Variants in FHOD3 observed in about 807,000 individuals in gnomAD.
FHOD3 encodes FH1/FH2 domain-containing protein 3.
FHOD3 carries 90 observed loss-of-function variants against 173.0 expected under a neutral mutation model. The ratio of observed to expected loss-of-function variants is 0.52; its 90% confidence interval spans 0.44 to 0.62. FHOD3 has a LOEUF of 0.62. Ranked by LOEUF, FHOD3 falls within the 20% of genes least tolerant of loss-of-function variation. The probability of loss-of-function intolerance (pLI) is 0.00; values close to 1 mark genes in which losing one functional copy is unlikely to be tolerated. For synonymous variants in FHOD3, 828 were observed against 823.0 expected (o/e 1.01, Z -0.10); for missense variants, 1,945 against 2,034.7 (o/e 0.96, Z 0.85).
At chr18:36,603,276 C>G (rs1389958481) in intron 8 of FHOD3, among the ~76,000 whole-genome samples, 1 of 152,074 alleles carries the variant, frequency 6.6e-6, no homozygotes, top group Non-Finnish European at 1.5e-5. Flanking sequence ...ACCATGTGTA[C>G]ACCCATCACA....
intron 3 of FHOD3, among the ~76,000 whole-genome samples, chr18:36,437,291 T>C (rs1166388215): frequency 6.6e-6 from 1 of 152,198 alleles, no homozygotes; most frequent in Non-Finnish European, 1.5e-5. Flanking sequence ...CTAACTTTTG[T>C]ATTTTTGTAG....
chr18:36,611,115 G>C (rs1273540018), intron 8 of FHOD3, among the ~76,000 whole-genome samples: 1 of 152,094 alleles, frequency 6.6e-6, no homozygotes, highest in Non-Finnish European at 1.5e-5. Flanking sequence ...AATTTCTCAA[G>C]TTTTTCTAAA....
chr18:36,361,972 C>T (rs1232931742), intron 2 of FHOD3, among the ~76,000 whole-genome samples: 4 of 152,122 alleles, frequency 2.6e-5, no homozygotes, highest in Non-Finnish European at 5.9e-5. Flanking sequence ...GTAAGTCAGG[C>T]AAGAATGAAG....
chr18:36,426,682 T>C (rs1315853644), intron 3 of FHOD3, among the ~76,000 whole-genome samples: 2 of 152,208 alleles, frequency 1.3e-5, no homozygotes, highest in Non-Finnish European at 2.9e-5. Flanking sequence ...ATTCAATTCC[T>C]ACCTTGTTGT....
Position 36,769,347 on chromosome 18 carries a change from CGT to C in FHOD3, c.4708_4709del (p.Val1570GlnfsTer130). On this transcript the variant is annotated frameshift_variant, in exon 28 of 29. Coordinates refer to ENST00000590592, the MANE Select transcript of FHOD3 (RefSeq NM_001281740.3). LOFTEE classifies it high-confidence loss of function. Reference sequence around the variant, plus strand: ...CAGCTGATGAGATCATGGACCGCATCGTCAAGTCAGCCACCCAAGTGCCCAGT... The same window carrying C: ...CAGCTGATGAGATCATGGACCGCATCCAAGTCAGCCACCCAAGTGCCCAGT... ...DAADEIMDRI[V>X]KSATQVPSQR... The C allele has an allele frequency of 6.2e-7, 1 of 1,614,194 alleles. No individual in the cohort carries two copies. Among genetic ancestry groups the C allele is most frequent in the Non-Finnish European group, 8.5e-7 (1 of 1,180,032 alleles).
At chr18:36,453,542 C>T (rs1425532000) in intron 3 of FHOD3, among the ~76,000 whole-genome samples, 1 of 152,264 alleles carries the variant, frequency 6.6e-6, no homozygotes, top group African/African-American at 2.4e-5. Flanking sequence ...GCTTCAGACC[C>T]AGTTTTTGCT....
intron 1 of FHOD3, among the ~76,000 whole-genome samples, chr18:36,340,095 T>G (rs2078642400): frequency 6.6e-6 from 1 of 152,252 alleles, no homozygotes; most frequent in African/African-American, 2.4e-5. Context: ...CATTGTAGTA[T>G]TCTTGTTTGA....
At chr18:36,410,209 T>C (rs1489449936) in intron 3 of FHOD3, among the ~76,000 whole-genome samples, 1 of 152,214 alleles carries the variant, frequency 6.6e-6, no homozygotes, top group Non-Finnish European at 1.5e-5. Context: ...GAATCCACTT[T>C]CTGTCTCTGT....
intron 3 of FHOD3, among the ~76,000 whole-genome samples, chr18:36,462,851 T>G (rs1386970685): frequency 1.3e-5 from 2 of 152,188 alleles, no homozygotes; most frequent in African/African-American, 4.8e-5. Flanking sequence ...AATCTTGAAC[T>G]CCTGGCTCAA....
At chr18:36,409,510 C>A (rs1024147467) in intron 3 of FHOD3, among the ~76,000 whole-genome samples, 1 of 152,112 alleles carries the variant, frequency 6.6e-6, no homozygotes, top group Non-Finnish European at 1.5e-5. Context: ...TCCCAGGAAC[C>A]TTCCCGTGTT....
At chr18:36,354,786 A>G (rs1269346706) in intron 1 of FHOD3, among the ~76,000 whole-genome samples, 5 of 151,830 alleles carry the variant, frequency 3.3e-5, no homozygotes. Context: ...AGCCTGGGTG[A>G]CAGAGCGAGA....
intron 3 of FHOD3, among the ~76,000 whole-genome samples, chr18:36,432,772 G>A (rs571233990): frequency 2.1e-4 from 32 of 152,322 alleles, no homozygotes; most frequent in South Asian, 1.4e-3. Flanking sequence ...CAATGGGTGC[G>A]TCTTGACTTT....
At chr18:36,464,432 G>T (rs534331763) in intron 3 of FHOD3, among the ~76,000 whole-genome samples, 1 of 152,296 alleles carries the variant, frequency 6.6e-6, no homozygotes, top group Admixed American at 6.5e-5. Context: ...GGTATGCTTT[G>T]TACTGGGTGA....
intron 15 of FHOD3, 76 bp from the exon 16 acceptor site, chr18:36,687,052 A>G: frequency 9.0e-7 from 1 of 1,105,974 alleles, no homozygotes; most frequent in South Asian, 1.4e-5. Context: ...ACTGTTTATA[A>G]TTTATTGGTA....
intron 6 of FHOD3, among the ~76,000 whole-genome samples, chr18:36,589,427 G>A (rs1464507606): frequency 6.6e-6 from 1 of 152,144 alleles, no homozygotes; most frequent in African/African-American, 2.4e-5. Flanking sequence ...GTGTGAACAG[G>A]ACCCCAAAAG....
chr18:36,325,451 G>C (rs2044621199), intron 1 of FHOD3, among the ~76,000 whole-genome samples: 1 of 152,218 alleles, frequency 6.6e-6, no homozygotes, highest in Non-Finnish European at 1.5e-5. Flanking sequence ...ACTTTAACTT[G>C]AAGGTTATAC....
intron 1 of FHOD3, among the ~76,000 whole-genome samples, chr18:36,299,687 C>A (rs1214978311): frequency 6.6e-6 from 1 of 152,168 alleles, no homozygotes; most frequent in African/African-American, 2.4e-5. Context: ...CTCCTCACCC[C>A]CAACTAGAAG....
At position 36,399,679 on chromosome 18, in the gene FHOD3, C is replaced by T. The variant is rs139265263; in HGVS notation, c.337+26935C>T. Among the ~76,000 whole-genome samples, 539 of 152,312 alleles carry T rather than the reference C, an allele frequency of 3.5e-3. 3 individuals are homozygous for T. Among genetic ancestry groups the T allele is most frequent in the African/African-American group, 0.012 (498 of 41,568 alleles). ...TGCTCTAGGGCCTTCTAGCCCCCTC[C>T]GCTTTTCTTCTTGCTCCACATTTAG... is the stretch of plus-strand genomic sequence containing the variant. On this transcript the variant is annotated intron_variant, in intron 3 of 28. Transcript: ENST00000590592.
chr18:36,704,991 GTC>G (rs2039792975), intron 17 of FHOD3, among the ~76,000 whole-genome samples: 1 of 48,564 alleles, frequency 2.1e-5, no homozygotes, highest in Non-Finnish European at 3.8e-5. Context: ...TTCCTCCTCT[GTC>G]TCTCTCTCTA....
Sources: allele counts gnomAD v4.1 joint callset (sites outside exome capture counted in the v4.1 genomes callset), GRCh38; gene constraint gnomAD v4.1.1; transcripts MANE v1.5; gene names NCBI Gene and HGNC (gene_info 2026-07-23, HGNC 2026-07-21).